The following PAWR variants were observed in gnomAD, a reference collection of about 807,000 sequenced individuals.
PAWR encodes the protein PRKC apoptosis WT1 regulator protein.
In PAWR, 23 loss-of-function variants were observed where a neutral mutation model predicts 32.0. The ratio of observed to expected loss-of-function variants is 0.72; its 90% CI spans 0.52 to 1.02. The LOEUF (loss-of-function observed/expected upper bound fraction) is 1.02, where lower values mean the gene tolerates loss of function less well. PAWR is among the 50% of genes least tolerant of loss of function. The pLI is 0.00. For synonymous variants in PAWR, 226 were observed against 187.1 expected (o/e 1.21, Z -1.70); for missense variants, 457 against 437.7 (o/e 1.04, Z -0.39).
At chr12:79,634,252 T>C (rs773081797) in intron 2 of PAWR, among the ~76,000 whole-genome samples, 21 of 152,206 alleles carry the variant, frequency 1.4e-4, no homozygotes, top group Non-Finnish European at 2.5e-4. Context: ...TATAAAGATA[T>C]GTATGAATGA....
intron 2 of PAWR, 44 bp from the exon 3 acceptor site, chr12:79,621,251 G>A: frequency 2.8e-6 from 4 of 1,409,706 alleles, no homozygotes; most frequent in Non-Finnish European, 3.9e-6. Flanking sequence ...ACTATTAATA[G>A]ACTGTTTCGA....
At position 79,591,233 on chromosome 12, in the gene PAWR, C is replaced by T. The variant is rs1873544947; in HGVS notation, c.*1374G>A. The stretch of plus-strand genomic sequence containing the variant: ...AAATGTAGAGACTTTTAGAATTCAA[C>T]ATTTGATTATCATTTACTCCACATT... On this transcript the variant is annotated 3_prime_UTR_variant, in exon 7 of 7. Transcript: ENST00000328827. 1 of 152,154 alleles carries T rather than the reference C, an allele frequency of 6.6e-6. No homozygotes were observed. Among genetic ancestry groups the T allele is most frequent in the Admixed American group, 6.5e-5 (1 of 15,270 alleles). 9.4% of individuals were successfully genotyped at this position (152,154 alleles called of 1,614,324 possible).
chr12:79,614,248 G>C (rs1408059480), intron 3 of PAWR, among the ~76,000 whole-genome samples: 1 of 151,246 alleles, frequency 6.6e-6, no homozygotes, highest in Non-Finnish European at 1.5e-5. Flanking sequence ...GACCTCGGGT[G>C]ATCCGTCCAC....
intron 4 of PAWR, among the ~76,000 whole-genome samples, chr12:79,605,696 T>C (rs2136686579): frequency 6.6e-6 from 1 of 152,276 alleles, no homozygotes; most frequent in South Asian, 2.1e-4. Flanking sequence ...CTCCAAATGG[T>C]AAAACATAAT....
chr12:79,676,555 C>T (rs925975183), intron 2 of PAWR, among the ~76,000 whole-genome samples: 5 of 152,130 alleles, frequency 3.3e-5, no homozygotes, highest in African/African-American at 9.7e-5. Context: ...TATCTCTATT[C>T]TCTCTTTCTT....
intron 2 of PAWR, among the ~76,000 whole-genome samples, chr12:79,625,989 C>T (rs538858855): frequency 1.3e-5 from 2 of 149,482 alleles, no homozygotes; most frequent in South Asian, 4.3e-4. Context: ...ACAGTGAAAC[C>T]CCATCTCTAC....
chr12:79,629,200 G>T (rs938391673), intron 2 of PAWR, among the ~76,000 whole-genome samples: 1 of 151,986 alleles, frequency 6.6e-6, no homozygotes, highest in South Asian at 2.1e-4. Flanking sequence ...CAACTGAAAG[G>T]CAGAAGTTAT....
At chr12:79,656,091 TTC>T (rs1011423712) in intron 2 of PAWR, among the ~76,000 whole-genome samples, 46 of 152,166 alleles carry the variant, frequency 3.0e-4, no homozygotes, top group African/African-American at 9.4e-4. Context: ...CAAGGTATCC[TTC>T]CAAGAATATG....
chr12:79,649,041 A>G (rs1465830115), intron 2 of PAWR, among the ~76,000 whole-genome samples: 1 of 152,218 alleles, frequency 6.6e-6, no homozygotes, highest in East Asian at 1.9e-4. Context: ...TCACAGACTC[A>G]GTTGGTAAAT....
rs1873503211 is a variant in PAWR, at chr12:79,590,080, C to T, written c.*2527G>A. The T allele has an allele frequency of 6.6e-6, 1 of 151,984 alleles. No homozygotes were observed. The highest frequency in any genetic ancestry group is 1.5e-5 in the Non-Finnish European group (1 of 67,994). The allele number at this position is 151,984 out of a possible 1,614,324, so 9.4% of individuals were successfully genotyped here. A position where few individuals can be genotyped will look rare whatever the true frequency, so the allele number is the denominator to read the frequency against. ...TGGAAGAAGGACTGCATGTGAAATG[C>T]TTTGCCTAAGTTGTAAGGCTCCTGT... is the stretch of plus-strand genomic sequence containing the variant. On this transcript the variant is annotated 3_prime_UTR_variant, in exon 7 of 7. Transcript: ENST00000328827.
intron 2 of PAWR, among the ~76,000 whole-genome samples, chr12:79,665,343 A>G (rs1328346408): frequency 6.6e-6 from 1 of 152,206 alleles, no homozygotes; most frequent in Non-Finnish European, 1.5e-5. Context: ...TATTTTGCTG[A>G]CAGATTATGC....
intron 2 of PAWR, among the ~76,000 whole-genome samples, chr12:79,681,073 C>CCA (rs1878417881): frequency 7.1e-6 from 1 of 141,210 alleles, no homozygotes; most frequent in Non-Finnish European, 1.5e-5. Flanking sequence ...CATGATCGTG[C>CCA]CACTGCACTG....
intron 3 of PAWR, among the ~76,000 whole-genome samples, chr12:79,614,524 A>C (rs1038636413): frequency 6.6e-6 from 1 of 152,170 alleles, no homozygotes; most frequent in African/African-American, 2.4e-5. Context: ...TTGGGGTAGA[A>C]AAATTGTTAC....
rs1283916507 is a variant in PAWR, at chr12:79,632,296, CATATATATATACATACATATAT to C, written c.517-11111_517-11090del. 141 of 36,768 alleles carry C rather than the reference CATATATATATACATACATATAT, an allele frequency of 3.8e-3. 13 individuals are homozygous for C. Among genetic ancestry groups the C allele is most frequent in the Non-Finnish European group, 4.5e-3 (118 of 25,964 alleles). 2.3% of individuals were successfully genotyped at this position (36,768 alleles called of 1,614,324 possible). On this transcript the variant is annotated intron_variant, in intron 2 of 6. Coordinates refer to ENST00000328827, the MANE Select transcript of PAWR (RefSeq NM_002583.4). The stretch of plus-strand genomic sequence containing the variant: ...TAGAGTCCAGAAATAGAAATATATA[CATATATATATACATACATATAT>C]ATATATATATATATATATATATATA...
chr12:79,669,557 G>A (rs951011662), intron 2 of PAWR, among the ~76,000 whole-genome samples: 1 of 151,746 alleles, frequency 6.6e-6, no homozygotes, highest in African/African-American at 2.4e-5. Context: ...GTCCTCCAAC[G>A]AAAGCAACTC....
chr12:79,604,590 T>C (rs1874094402), intron 4 of PAWR: 1 of 1,277,388 alleles, frequency 7.8e-7, no homozygotes, highest in Non-Finnish European at 1.0e-6. Flanking sequence ...TATTCTGAAA[T>C]TCCCAAATAA....
chr12:79,632,330 T>TATAC (rs1875707131), intron 2 of PAWR, among the ~76,000 whole-genome samples: 4 of 46,504 alleles, frequency 8.6e-5, no homozygotes, highest in African/African-American at 3.0e-4. Flanking sequence ...TATATATATA[T>TATAC]ATATATATAT....
chr12:79,612,112 C>T (rs1319071690), intron 4 of PAWR, among the ~76,000 whole-genome samples: 3 of 152,072 alleles, frequency 2.0e-5, no homozygotes, highest in Non-Finnish European at 4.4e-5. Flanking sequence ...CACATCAAGG[C>T]TATTTCATAA....
intron 6 of PAWR, 146 bp from the exon 7 acceptor site, chr12:79,592,839 C>G (rs954494639): frequency 1.9e-6 from 1 of 522,318 alleles, no homozygotes; most frequent in African/African-American, 2.0e-5. Flanking sequence ...ATGTAATATG[C>G]CCCACCAAAA....
Sources: gnomAD v4.1 joint callset for allele counts (sites outside exome capture counted in the v4.1 genomes callset) on GRCh38, gnomAD v4.1.1 for gene constraint, MANE v1.5 for transcripts, NCBI Gene and HGNC (gene_info 2026-07-23, HGNC 2026-07-21) for gene names.